Variants in ZNF143 observed in about 807,000 individuals in gnomAD.
ZNF143 encodes the protein SPH-binding factor.
ZNF143 carries 49 observed loss-of-function variants against 74.1 expected under a neutral mutation model. The ratio of observed to expected loss-of-function variants is 0.66; its 90% CI spans 0.53 to 0.84. The LOEUF is 0.84. Among genes scored for constraint, ZNF143 ranks in the 40% least tolerant of loss-of-function variants. ZNF143 has a pLI of 0.00. For synonymous variants in ZNF143, 304 were observed against 282.8 expected, an observed-to-expected ratio of 1.07 and a Z score of -0.75; for missense variants, 637 against 793.4, an observed-to-expected ratio of 0.80 and a Z score of 2.37.
intron 7 of ZNF143, among the ~76,000 whole-genome samples, chr11:9,480,986 G>A (rs938082371): frequency 2.6e-5 from 4 of 152,178 alleles, no homozygotes; most frequent in Admixed American, 1.3e-4. Flanking sequence ...CTACAAAGTG[G>A]CAATAGAATA....
At position 9,516,176 on chromosome 11, in the gene ZNF143, C is replaced by A. The variant is rs181061364; in HGVS notation, c.1525-25C>A. The A allele has an allele frequency of 1.9e-3, 3,044 of 1,610,450 alleles. 4 individuals carry two copies. The highest frequency in any genetic ancestry group is 2.4e-3 in the Non-Finnish European group (2,837 of 1,177,368). ...CAGCTATAACAAGAAACATTGACTG[C>A]TTTGTAAAATTCACTGTATTGCAGG... On this transcript the variant is annotated intron_variant, in intron 13 of 15. Coordinates refer to ENST00000396602, the MANE Select transcript of ZNF143 (RefSeq NM_003442.6).
chr11:9,499,057 A>C (rs750175575), intron 10 of ZNF143, among the ~76,000 whole-genome samples: 15 of 152,368 alleles, frequency 9.8e-5, no homozygotes, highest in Non-Finnish European at 1.5e-4. Flanking sequence ...AAGCTATATC[A>C]AACCAATAAT....
At chr11:9,507,995 A>G (rs1174441431) in intron 11 of ZNF143, among the ~76,000 whole-genome samples, 1 of 152,238 alleles carries the variant, frequency 6.6e-6, no homozygotes, top group Non-Finnish European at 1.5e-5. Context: ...AAAAAGTTCT[A>G]AAAATATGTG....
chr11:9,464,086 TTGTGTGTGTGTGTG>T (rs144501900), intron 1 of ZNF143, among the ~76,000 whole-genome samples: 2 of 124,016 alleles, frequency 1.6e-5, no homozygotes, highest in African/African-American at 5.3e-5. Flanking sequence ...GTGTGTGTGT[TTGTGTGTGTGTGTG>T]TGTGTGTGTG....
rs1188485616 is a variant in ZNF143, at chr11:9,469,227, T to A, written c.-7-2075T>A. Among the ~76,000 whole-genome samples, 11 of 150,090 alleles carry A rather than the reference T, an allele frequency of 7.3e-5. No individual in the cohort carries two copies. In the East Asian group the frequency reaches 2.1e-3, roughly 29 times the overall value. On this transcript the variant is annotated intron_variant, in intron 1 of 15. Coordinates refer to ENST00000396602, the MANE Select transcript of ZNF143 (RefSeq NM_003442.6). ...TCTCAGCAGGGGTCTTTTTTTTTTT[T>A]TTTTTTTTTTTACCACCCCCCCATA... is the stretch of plus-strand genomic sequence containing the variant.
rs550855517 is a variant in ZNF143 at position 9,467,266 on chromosome 11, T to A, written c.-7-4036T>A. Among the ~76,000 whole-genome samples, 281 of 143,386 alleles carry A rather than the reference T, an allele frequency of 2.0e-3. 3 individuals are homozygous for A. Among genetic ancestry groups the A allele is most frequent in the African/African-American group, 6.9e-3 (266 of 38,668 alleles). The allele number at this position is 143,386 out of a possible 152,430, so 94.1% of individuals were successfully genotyped here. On this transcript the variant is annotated intron_variant, in intron 1 of 15. Coordinates refer to ENST00000396602, the MANE Select transcript of ZNF143 (RefSeq NM_003442.6). ...TTTTTTTTTTTTTGAGATAGAGTTT[T>A]ACTCTGTAGCTCAGGCTGGAGTGCA...
At chr11:9,527,269 G>A (rs1308876481) in intron 15 of ZNF143, among the ~76,000 whole-genome samples, 2 of 152,154 alleles carry the variant, frequency 1.3e-5, no homozygotes, top group African/African-American at 4.8e-5. Flanking sequence ...ACCATGCCCC[G>A]CTGAGACCTC....
At chr11:9,481,814 G>C (rs1847248296) in intron 7 of ZNF143, among the ~76,000 whole-genome samples, 1 of 149,914 alleles carries the variant, frequency 6.7e-6, no homozygotes, top group African/African-American at 2.5e-5. Context: ...CTTGAACCTG[G>C]GAGGTGGGGG....
chr11:9,461,889 A>G (rs1237605714), intron 1 of ZNF143: 3 of 152,230 alleles, frequency 2.0e-5, no homozygotes, highest in African/African-American at 7.2e-5. Context: ...ATTTGTTTAA[A>G]ATCAGCGTCA....
chr11:9,488,986 G>A (rs941608270), intron 7 of ZNF143, among the ~76,000 whole-genome samples: 10 of 152,156 alleles, frequency 6.6e-5, no homozygotes, highest in Non-Finnish European at 1.0e-4. Context: ...CAATACAAGG[G>A]GAGGGAATCC....
At chr11:9,502,604 T>C (rs1425305401) in intron 11 of ZNF143, among the ~76,000 whole-genome samples, 1 of 87,672 alleles carries the variant, frequency 1.1e-5, no homozygotes, top group East Asian at 2.4e-4. Context: ...CGAGACTCCA[T>C]CTCAAAAAAA....
chr11:9,522,402 A>AC (rs1316855934), intron 14 of ZNF143, among the ~76,000 whole-genome samples: 3 of 151,992 alleles, frequency 2.0e-5, no homozygotes, highest in African/African-American at 7.3e-5. Context: ...AAAAAAAAAA[A>AC]ATTTAAATTG....
At chr11:9,474,462 G>T in intron 4 of ZNF143, 88 bp from the exon 5 acceptor site, 1 of 1,302,658 alleles carries the variant, frequency 7.7e-7, no homozygotes, top group Non-Finnish European at 1.1e-6. Flanking sequence ...GTTATAATGT[G>T]TTAATGGTTT....
intron 7 of ZNF143, among the ~76,000 whole-genome samples, chr11:9,483,914 T>A (rs1475171421): frequency 6.6e-6 from 1 of 151,054 alleles, no homozygotes; most frequent in East Asian, 1.9e-4. Flanking sequence ...CATGCACAGC[T>A]GACGTTTGTA....
At chr11:9,472,825 T>C (rs1856661989) in intron 3 of ZNF143, 56 bp downstream of exon 3, 1 of 1,346,266 alleles carries the variant, frequency 7.4e-7, no homozygotes, top group East Asian at 2.6e-5. Context: ...AACCTGTGAG[T>C]TGGAGCACCT....
Position 9,497,733 on chromosome 11 carries a change from G to C in ZNF143, c.900G>C (p.Ser300=). 6.2e-7 allele frequency: 1 copy of C among 1,610,436 alleles called. No individual in the cohort carries two copies. The highest frequency in any genetic ancestry group is 8.5e-7 in the Non-Finnish European group (1 of 1,177,166). ...CAGGAGAAAAGCCATATCGGTGTTC[G>C]GAAGATAATTGTACTAAATCTTTCA... The part of the protein sequence containing the change: ...THTGEKPYRC[S]EDNCTKSFKT... The change falls in exon 10 of 16, where the codon TCG becomes TCC. Residue 300 remains serine, a synonymous_variant. Transcript: ENST00000396602.
chr11:9,501,538 A>T (rs1240729944), intron 11 of ZNF143, among the ~76,000 whole-genome samples: 1 of 152,330 alleles, frequency 6.6e-6, no homozygotes. Context: ...TAGTAGACAT[A>T]CAGTTGCTGC....
intron 11 of ZNF143, among the ~76,000 whole-genome samples, chr11:9,506,181 AG>A (rs1354866853): frequency 1.3e-5 from 2 of 152,150 alleles, no homozygotes; most frequent in African/African-American, 4.8e-5. Flanking sequence ...AAAATACAAA[AG>A]TTAGCTGGGT....
intron 13 of ZNF143, among the ~76,000 whole-genome samples, chr11:9,514,410 C>T (rs1045555533): frequency 1.3e-5 from 2 of 152,186 alleles, no homozygotes; most frequent in Non-Finnish European, 2.9e-5. Context: ...ATTTATAGAG[C>T]ACCTACCCCA....
Sources: allele counts gnomAD v4.1 joint callset (sites outside exome capture counted in the v4.1 genomes callset), GRCh38; gene constraint gnomAD v4.1.1; transcripts MANE v1.5; gene names NCBI Gene and HGNC (gene_info 2026-07-23, HGNC 2026-07-21).